RP2: variants seen among roughly 807,000 people sequenced by gnomAD.
RP2 encodes RP2 activator of ARL3 GTPase.
In RP2, 3 loss-of-function variants were observed where a neutral mutation model predicts 20.3. That is an observed-to-expected ratio of 0.15 (90% CI 0.07 to 0.38). The LOEUF (loss-of-function observed/expected upper bound fraction) is 0.38, where lower values mean the gene tolerates loss of function less well. Ranked by LOEUF, RP2 falls within the 10% of genes least tolerant of loss-of-function variation. RP2 has a pLI of 1.00. For synonymous variants in RP2, 75 were observed against 94.8 expected, an observed-to-expected ratio of 0.79 and a Z score of 1.22; for missense variants, 233 against 268.5, an observed-to-expected ratio of 0.87 and a Z score of 0.92.
intron 3 of RP2, among the ~76,000 whole-genome samples, chrX:46,876,828 T>C (rs1569532397): frequency 8.9e-6 from 1 of 112,652 alleles, no homozygotes; most frequent in African/African-American, 3.2e-5. Flanking sequence ...CTTCTTTCAA[T>C]ACATTTGTAA....
chrX:46,854,797 G>C lies in RP2; in HGVS notation c.768+656G>C, dbSNP rs782058667. Among the ~76,000 whole-genome samples the C allele has an allele frequency of 1.1e-3, 121 of 109,435 alleles. 1 individual carries two copies. The highest frequency in any genetic ancestry group is 2.0e-3 in the Non-Finnish European group (106 of 52,524). ...TTTTTTTTTTTTGTGACGGGGTCTT[G>C]CTCTGTCACCCAGCCGGAGTGCAGT... is the stretch of plus-strand genomic sequence containing the variant. On this transcript the variant is annotated intron_variant, in intron 2 of 4. Transcript: ENST00000218340.
Position 46,837,138 on chromosome X carries a change from A to G in RP2, c.38A>G (p.Lys13Arg). Residue 13 changes from lysine (K) to arginine (R), a missense_variant, in exon 1 of 5, where the codon AAG (lysine) becomes AGG (arginine). Transcript: ENST00000218340. ...CFFSKRRKADKESRPENEEER... is the reference protein window; with the variant it reads ...CFFSKRRKADRESRPENEEER... ...TTCTCCAAGAGACGGAAGGCTGACA[A>G]GGAGTCGCGGCCCGAGAACGAGGAG... is the stretch of plus-strand genomic sequence containing the variant. 1 of 1,170,566 alleles carries G rather than the reference A, an allele frequency of 8.5e-7. No homozygotes were observed. The highest frequency in any genetic ancestry group is 1.1e-6 in the Non-Finnish European group (1 of 874,487).
chrX:46,840,993 T>C (rs1924612933), intron 1 of RP2, among the ~76,000 whole-genome samples: 1 of 112,505 alleles, frequency 8.9e-6, no homozygotes, highest in East Asian at 2.8e-4. Flanking sequence ...TTCAGGTTCC[T>C]CAGCTATATA....
chrX:46,866,670 A>G (rs1444751309), intron 3 of RP2, among the ~76,000 whole-genome samples: 1 of 112,085 alleles, frequency 8.9e-6, no homozygotes, highest in Non-Finnish European at 1.9e-5. Context: ...TCCTGAGGTT[A>G]GCTCCTTTTT....
rs149013939 is a variant in RP2 at position 46,861,271 on chromosome X, G to A, written c.883+1169G>A. Among the ~76,000 whole-genome samples, 29 of 112,157 alleles carry A rather than the reference G, an allele frequency of 2.6e-4. 1 individual carries two copies. The East Asian group carries it at 4.7e-3, about 18-fold the overall frequency. ...GTACCTGTGTGATGTTAGTGAAGTC[G>A]TATTGTAGAATTGCTCCAACCCAAA... is the stretch of plus-strand genomic sequence containing the variant. On this transcript the variant is annotated intron_variant, in intron 3 of 4. Coordinates refer to ENST00000218340, the MANE Select transcript of RP2 (RefSeq NM_006915.3).
chrX:46,860,213 CTTTG>C (rs1925039732), intron 3 of RP2, 111 bp downstream of exon 3: 3 of 562,698 alleles, frequency 5.3e-6, no homozygotes, highest in Middle Eastern at 3.3e-4. Flanking sequence ...CTCATTTGTT[CTTTG>C]TTTTTTTTCT....
At chrX:46,841,003 A>G (rs1050930387) in intron 1 of RP2, among the ~76,000 whole-genome samples, 1 of 112,591 alleles carries the variant, frequency 8.9e-6, no homozygotes, top group Admixed American at 9.5e-5. Context: ...TCAGCTATAT[A>G]GTAGGACAAT....
intron 3 of RP2, among the ~76,000 whole-genome samples, chrX:46,864,347 CT>C (rs782091799): frequency 0.048 from 4,563 of 95,091 alleles, 110 homozygotes; most frequent in Non-Finnish European, 0.071. Flanking sequence ...TCCTTCCTTT[CT>C]TTTTTTTTTT....
At chrX:46,869,906 G>A (rs1556325580) in intron 3 of RP2, among the ~76,000 whole-genome samples, 1 of 111,858 alleles carries the variant, frequency 8.9e-6, no homozygotes, top group African/African-American at 3.2e-5. Context: ...ACCGCGCCTG[G>A]TGCAATACAT....
At chrX:46,840,135 G>T (rs782262675) in intron 1 of RP2, among the ~76,000 whole-genome samples, 1 of 111,699 alleles carries the variant, frequency 9.0e-6, no homozygotes, top group South Asian at 3.7e-4. Flanking sequence ...GCACCACCAC[G>T]CCTGGCTAAT....
At chrX:46,873,012 T>C (rs1376972144) in intron 3 of RP2, among the ~76,000 whole-genome samples, 1 of 111,737 alleles carries the variant, frequency 8.9e-6, no homozygotes, top group East Asian at 2.8e-4. Flanking sequence ...CTGCTAGGAA[T>C]ACAGGAGTGA....
chrX:46,848,310 G>A (rs1556317369), intron 1 of RP2, among the ~76,000 whole-genome samples: 1 of 109,495 alleles, frequency 9.1e-6, no homozygotes, highest in African/African-American at 3.3e-5. Context: ...GGAAAATAAT[G>A]CTTAACTTGG....
In RP2 at chrX:46,882,310, T is replaced by C. The variant is rs1556328891; in HGVS notation, c.*2541T>C. 8.9e-6 allele frequency: 1 copy of C among 112,334 alleles called. No homozygotes were observed. The highest frequency in any genetic ancestry group is 1.9e-5 in the Non-Finnish European group (1 of 53,313). The allele number at this position is 112,334 out of a possible 1,213,427, so 9.3% of individuals were successfully genotyped here. A position where few individuals can be genotyped will look rare whatever the true frequency, so the allele number is the denominator to read the frequency against. ...ATGTCTAGCTTTTATATGTAATTTA[T>C]CTAGTGTTTATAAAATGTGATTTGT... is the stretch of plus-strand genomic sequence containing the variant. On this transcript the variant is annotated 3_prime_UTR_variant, in exon 5 of 5. Coordinates refer to ENST00000218340, the MANE Select transcript of RP2 (RefSeq NM_006915.3).
At chrX:46,848,383 GA>G (rs1556317411) in intron 1 of RP2, among the ~76,000 whole-genome samples, 4 of 103,844 alleles carry the variant, frequency 3.9e-5, no homozygotes, top group South Asian at 4.4e-4. Context: ...ATTTTTCTTT[GA>G]TTTTTTTTTT....
At chrX:46,840,017 G>C (rs1219128519) in intron 1 of RP2, among the ~76,000 whole-genome samples, 5 of 111,684 alleles carry the variant, frequency 4.5e-5, no homozygotes, top group African/African-American at 1.6e-4. Context: ...CTCTGTCATC[G>C]CCCAGGCTGG....
chrX:46,847,765 C>CAT (rs782092352), intron 1 of RP2, among the ~76,000 whole-genome samples: 10,744 of 77,895 alleles, frequency 0.14, 861 homozygotes, highest in East Asian at 0.31. Flanking sequence ...TATATACACA[C>CAT]ATGTGTGTGT....
At chrX:46,838,233 G>A (rs1924550967) in intron 1 of RP2, among the ~76,000 whole-genome samples, 1 of 112,299 alleles carries the variant, frequency 8.9e-6, no homozygotes, top group African/African-American at 3.2e-5. Context: ...AATGTATTCA[G>A]GTAAGCTCTG....
At chrX:46,842,703 TTTCAC>T (rs1924644607) in intron 1 of RP2, among the ~76,000 whole-genome samples, 1 of 111,807 alleles carries the variant, frequency 8.9e-6, no homozygotes, top group South Asian at 3.7e-4. Flanking sequence ...ATTTTGGACA[TTTCAC>T]TTCATTGGAG....
intron 1 of RP2, among the ~76,000 whole-genome samples, chrX:46,853,121 C>T (rs1284044851): frequency 9.0e-6 from 1 of 111,398 alleles, no homozygotes; most frequent in African/African-American, 3.3e-5. Flanking sequence ...AGCCTACTGA[C>T]AATATTGACA....
Sources: allele counts gnomAD v4.1 joint callset (sites outside exome capture counted in the v4.1 genomes callset), GRCh38; gene constraint gnomAD v4.1.1; transcripts MANE v1.5; gene names NCBI Gene and HGNC (gene_info 2026-07-23, HGNC 2026-07-21).